Variants in HERC1 observed in about 807,000 individuals in gnomAD.
HERC1 encodes the protein HECT and RLD domain containing E3 ubiquitin protein ligase family member 1.
HERC1 carries 160 observed loss-of-function variants against 554.3 expected under a neutral mutation model. That is an observed-to-expected ratio of 0.29 (90% confidence interval 0.25 to 0.33). HERC1 has a LOEUF of 0.33. HERC1 is among the 10% of genes least tolerant of loss of function. HERC1 has a pLI of 1.00. For missense variants in HERC1, 4,919 were observed against 5,918.5 expected (o/e 0.83, Z 5.54); for synonymous variants, 2,175 against 2,131.7 (o/e 1.02, Z -0.56).
Position 63,694,828 on chromosome 15 carries a change from G to C in HERC1, c.5188C>G (p.Gln1730Glu). Reference protein sequence around the residue: ...EIQVAVHKIYQQLSATLERAL... With the variant: ...EIQVAVHKIYEQLSATLERAL... ...CTTTCCAGGGTAGCAGACAACTGTT[G>C]ATAAATTTTATGCACAGCTACCTGG... Residue 1730 changes from glutamine to glutamate, a missense_variant, in exon 28 of 78, where the codon CAA becomes GAA. By Grantham distance (29) the Gln-to-Glu change is conservative (BLOSUM62 2). Transcript: ENST00000443617. The surrounding 1 kb of genome is among the most constrained non-coding windows in gnomAD (Gnocchi z 4.3). 2 of 1,613,734 alleles carry C rather than the reference G, an allele frequency of 1.2e-6. No individual in the cohort carries two copies. The highest frequency in any genetic ancestry group is 1.7e-6 in the Non-Finnish European group (2 of 1,179,720).
chr15:63,811,317 T>C (rs1031983138), intron 1 of HERC1, among the ~76,000 whole-genome samples: 3 of 152,146 alleles, frequency 2.0e-5, no homozygotes, highest in Non-Finnish European at 4.4e-5. Context: ...TGACTACAAA[T>C]TAGTCTCACT....
chr15:63,677,025 T>C lies in HERC1; in HGVS notation c.7070+820A>G, dbSNP rs980925630. On this transcript the variant is annotated intron_variant, in intron 37 of 77. Transcript: ENST00000443617. This position sits in a 1 kb window ranked among gnomAD's most constrained non-coding sequence, Gnocchi z 4.4. Reference sequence around the variant, plus strand: ...GGATTTCAGATTTTTTTCCCAAATTTTGGAATATTTACATTGTACTTAGCA... The same window carrying C: ...GGATTTCAGATTTTTTTCCCAAATTCTGGAATATTTACATTGTACTTAGCA... 6.6e-6 allele frequency among the ~76,000 whole-genome samples: 1 copy of C among 152,168 alleles called. No individual in the cohort carries two copies. Among genetic ancestry groups the C allele is most frequent in the African/African-American group, 2.4e-5 (1 of 41,448 alleles).
intron 12 of HERC1, among the ~76,000 whole-genome samples, chr15:63,746,392 A>G (rs1161811080): frequency 6.6e-6 from 1 of 152,158 alleles, no homozygotes; most frequent in Non-Finnish European, 1.5e-5. Context: ...GATATTTTTA[A>G]GTTTCCCCCA....
rs1354460394 is a variant in HERC1, at chr15:63,737,518, TATATATATATATATATA to T, written c.2521-2686_2521-2670del. ...TACATATATATATCTTTTTTCCAGA[TATATATATATATATATA>T]TATATATATATATCTTTTTTTTTTT... On this transcript the variant is annotated intron_variant, in intron 12 of 77. Coordinates refer to ENST00000443617, the MANE Select transcript of HERC1 (RefSeq NM_003922.4). 2.5e-4 allele frequency among the ~76,000 whole-genome samples: 4 copies of T among 16,184 alleles called. No individual in the cohort carries two copies. The South Asian group carries it at 3.5e-3, about 14-fold the overall frequency. The allele number at this position is 16,184 out of a possible 152,430, so 10.6% of individuals were successfully genotyped here. A position where few individuals can be genotyped will look rare whatever the true frequency, so the allele number is the denominator to read the frequency against.
intron 32 of HERC1, 96 bp from the exon 33 acceptor site, chr15:63,689,795 T>A: frequency 1.5e-6 from 1 of 663,030 alleles, no homozygotes; most frequent in Non-Finnish European, 2.5e-6. Flanking sequence ...TTAACTCGCA[T>A]GCGAAGTTTG....
rs375001966 is a variant in HERC1, at chr15:63,658,502, T to C, written c.9599+42A>G. On this transcript the variant is annotated intron_variant, in intron 48 of 77. Transcript: ENST00000443617. Reference sequence around the variant, plus strand: ...CACCAGACTTCCAGCTAATGTACACTAGAAGTTAACTTAGCATCATGTGAC... The same window carrying C: ...CACCAGACTTCCAGCTAATGTACACCAGAAGTTAACTTAGCATCATGTGAC... The C allele has an allele frequency of 1.2e-4, 181 of 1,561,720 alleles. No homozygotes were observed. In the African/African-American group the frequency reaches 2.2e-3, roughly 19 times the overall value.
Position 63,677,941 on chromosome 15 carries a change from T to A in HERC1, c.6974A>T (p.His2325Leu), listed in dbSNP as rs757505613. 6.2e-7 allele frequency: 1 copy of A among 1,614,020 alleles called. No individual in the cohort carries two copies. Among genetic ancestry groups the A allele is most frequent in the Non-Finnish European group, 8.5e-7 (1 of 1,179,890 alleles). The change falls in exon 37 of 78, where the codon CAC (histidine) becomes CTC (leucine). Residue 2325 changes from histidine to leucine, a missense_variant. His to Leu is a moderately conservative substitution (Grantham distance 99, BLOSUM62 -3). Transcript: ENST00000443617. The surrounding 1 kb of genome is among the most constrained non-coding windows in gnomAD (Gnocchi z 4.4). Reference sequence around the variant, plus strand: ...CGTGGCATGGCGCCCAGTTTGCTTGTGAACACACCGACCTCCAACTCTAAG... The same window carrying A: ...CGTGGCATGGCGCCCAGTTTGCTTGAGAACACACCGACCTCCAACTCTAAG... ...AGLRVGGRCV[H>L]KQTGRHATLL...
At chr15:63,618,076 T>C (rs2067903025) in intron 74 of HERC1, among the ~76,000 whole-genome samples, 1 of 152,146 alleles carries the variant, frequency 6.6e-6, no homozygotes, top group South Asian at 2.1e-4. Flanking sequence ...ATGAAGTCCT[T>C]GCCCATGCCT....
intron 74 of HERC1, among the ~76,000 whole-genome samples, chr15:63,618,019 A>C (rs1566942801): frequency 1.3e-5 from 2 of 151,744 alleles, no homozygotes; most frequent in South Asian, 2.1e-4. Flanking sequence ...ATTAGATCCC[A>C]TTTGTCAATT....
At chr15:63,638,075 T>G (rs146178551) in intron 63 of HERC1, among the ~76,000 whole-genome samples, 1 of 152,244 alleles carries the variant, frequency 6.6e-6, no homozygotes, top group East Asian at 1.9e-4. Flanking sequence ...GAGTGGTCGA[T>G]AAAATCTGGC....
chr15:63,760,906 A>G (rs938745851), intron 3 of HERC1, among the ~76,000 whole-genome samples: 2 of 151,740 alleles, frequency 1.3e-5, no homozygotes, highest in African/African-American at 4.8e-5. Context: ...CTTTAAAGAG[A>G]AAAAAAAATC....
At chr15:63,821,554 C>CA (rs35580549) in intron 1 of HERC1, among the ~76,000 whole-genome samples, 12,791 of 62,186 alleles carry the variant, frequency 0.21, 1,438 homozygotes, top group Middle Eastern at 0.32. Flanking sequence ...GACTCTGTCT[C>CA]AAAAAAAAAA....
intron 37 of HERC1, among the ~76,000 whole-genome samples, chr15:63,676,513 T>A (rs962520542): frequency 6.6e-6 from 1 of 152,070 alleles, no homozygotes; most frequent in South Asian, 2.1e-4. Flanking sequence ...TCTCAGCACT[T>A]TGGGAGGCCG....
At chr15:63,827,832 C>CT (rs2077993883) in intron 1 of HERC1, among the ~76,000 whole-genome samples, 1 of 152,150 alleles carries the variant, frequency 6.6e-6, no homozygotes, top group Admixed American at 6.5e-5. Flanking sequence ...CTGATACATG[C>CT]TACAACATGG....
chr15:63,628,844 T>A, intron 69 of HERC1, 29 bp from the exon 70 acceptor site: 1 of 1,598,996 alleles, frequency 6.3e-7, no homozygotes, highest in South Asian at 1.1e-5. Context: ...TATACAGACA[T>A]TCAATTAGAA....
chr15:63,754,782 A>T (rs980782144), intron 6 of HERC1, 134 bp from the exon 7 acceptor site: 2 of 872,010 alleles, frequency 2.3e-6, no homozygotes, highest in Non-Finnish European at 3.5e-6. Flanking sequence ...AATATGAAAA[A>T]CACAATCATT....
intron 69 of HERC1, 105 bp from the exon 70 acceptor site, chr15:63,628,920 CTG>C (rs1164607202): frequency 6.9e-6 from 7 of 1,014,184 alleles, no homozygotes; most frequent in Non-Finnish European, 1.0e-5. Flanking sequence ...AAGTTAATAA[CTG>C]TACCATGCAT....
chr15:63,666,167 C>A lies in HERC1; in HGVS notation c.8324-17G>T. ...CCCTAGCACCTATACAGGGGAAAAACAGTCTGATGCTGACTTTGGGCAAAG... is the reference window on the plus strand; with the variant it reads ...CCCTAGCACCTATACAGGGGAAAAAAAGTCTGATGCTGACTTTGGGCAAAG... On this transcript the variant is annotated splice_polypyrimidine_tract_variant and intron_variant, in intron 41 of 77. Coordinates refer to ENST00000443617, the MANE Select transcript of HERC1 (RefSeq NM_003922.4). The A allele has an allele frequency of 6.3e-7, 1 of 1,584,282 alleles. No individual in the cohort carries two copies. The highest frequency in any genetic ancestry group is 1.4e-5 in the African/African-American group (1 of 73,770).
chr15:63,665,824 A>T, intron 42 of HERC1, 95 bp downstream of exon 42: 1 of 862,442 alleles, frequency 1.2e-6, no homozygotes, highest in Non-Finnish European at 1.8e-6. Context: ...TATCAACTTT[A>T]CATACAATTA....
Sources: gnomAD v4.1 joint callset for allele counts (sites outside exome capture counted in the v4.1 genomes callset) on GRCh38, gnomAD v4.1.1 for gene constraint, Gnocchi (gnomAD v3.1) non-coding constraint, MANE v1.5 for transcripts, NCBI Gene and HGNC (gene_info 2026-07-23, HGNC 2026-07-21) for gene names.